PHC3: variants seen among roughly 807,000 people sequenced by gnomAD.
PHC3 encodes the protein polyhomeotic-like protein 3.
In PHC3, 13 loss-of-function variants were observed where a neutral mutation model predicts 107.4. The ratio of observed to expected loss-of-function variants is 0.12; its 90% CI spans 0.08 to 0.19. PHC3 has a LOEUF of 0.19. PHC3 is among the 10% of genes least tolerant of loss of function. PHC3 has a pLI of 1.00. For missense variants in PHC3, 992 were observed against 1,210.9 expected, an observed-to-expected ratio of 0.82 and a Z score of 2.68; for synonymous variants, 456 against 427.4, an observed-to-expected ratio of 1.07 and a Z score of -0.83.
chr3:170,114,719 T>A (rs1718561420), intron 10 of PHC3, among the ~76,000 whole-genome samples: 1 of 152,242 alleles, frequency 6.6e-6, no homozygotes, highest in Non-Finnish European at 1.5e-5. Context: ...ATTCATTGAT[T>A]CACTGGTGAG....
At chr3:170,173,847 C>A (rs1317468558) in intron 2 of PHC3, among the ~76,000 whole-genome samples, 1 of 152,114 alleles carries the variant, frequency 6.6e-6, no homozygotes, top group Admixed American at 6.6e-5. Context: ...TCATACTCTT[C>A]TATAGATGTC....
intron 2 of PHC3, among the ~76,000 whole-genome samples, 166 bp downstream of exon 2, chr3:170,178,607 C>T (rs902539543): frequency 5.3e-5 from 8 of 152,186 alleles, no homozygotes; most frequent in African/African-American, 1.9e-4. Flanking sequence ...ATTACACAGT[C>T]TTGGTATTCT....
chr3:170,166,809 C>T (rs1167457047), intron 4 of PHC3, among the ~76,000 whole-genome samples: 1 of 152,056 alleles, frequency 6.6e-6, no homozygotes, highest in Non-Finnish European at 1.5e-5. Context: ...GGACTGCAGG[C>T]ACACACCACC....
chr3:170,156,884 C>T (rs540298464), intron 4 of PHC3, among the ~76,000 whole-genome samples: 58 of 152,244 alleles, frequency 3.8e-4, no homozygotes, highest in African/African-American at 1.3e-3. Context: ...TGTGAGCCAC[C>T]GTACCCTGCT....
intron 4 of PHC3, among the ~76,000 whole-genome samples, chr3:170,168,520 C>T (rs1262987410): frequency 2.0e-5 from 3 of 151,972 alleles, no homozygotes; most frequent in Non-Finnish European, 4.4e-5. Context: ...AATCCCAGCA[C>T]TTTGGGAGGC....
intron 8 of PHC3, 165 bp downstream of exon 8, chr3:170,128,519 T>C (rs1423107043): frequency 2.7e-6 from 3 of 1,115,020 alleles, no homozygotes; most frequent in Non-Finnish European, 3.7e-6. Flanking sequence ...CAATGGCATT[T>C]TTTTTTTTTT....
At chr3:170,144,160 A>C (rs1244492301) in intron 6 of PHC3, among the ~76,000 whole-genome samples, 1 of 142,764 alleles carries the variant, frequency 7.0e-6, no homozygotes, top group Non-Finnish European at 1.5e-5. Context: ...TTTCTACTTA[A>C]AAAAAAAAAA....
chr3:170,177,705 CTG>C (rs1364779817), intron 2 of PHC3, among the ~76,000 whole-genome samples: 1 of 129,680 alleles, frequency 7.7e-6, no homozygotes, highest in Non-Finnish European at 1.6e-5. Context: ...GGGTCTCACT[CTG>C]TCACCTAGAC....
At position 170,094,407 on chromosome 3, in the gene PHC3, G is replaced by C. The variant is rs1490061187; in HGVS notation, c.*2823C>G. 1 of 152,176 alleles carries C rather than the reference G, an allele frequency of 6.6e-6. No individual in the cohort carries two copies. The highest frequency in any genetic ancestry group is 1.5e-5 in the Non-Finnish European group (1 of 68,026). 9.4% of individuals were successfully genotyped at this position (152,176 alleles called of 1,614,324 possible). A position where few individuals can be genotyped will look rare whatever the true frequency, so the allele number is the denominator to read the frequency against. On this transcript the variant is annotated 3_prime_UTR_variant, in exon 15 of 15. Transcript: ENST00000495893. Reference sequence around the variant, plus strand: ...CAACACTGCAAGGAAGTCAGAAAATGCAAACTTAGGTAGCAAAAGTAGGAA... The same window carrying C: ...CAACACTGCAAGGAAGTCAGAAAATCCAAACTTAGGTAGCAAAAGTAGGAA...
chr3:170,168,784 C>T (rs1288211879), intron 4 of PHC3, among the ~76,000 whole-genome samples: 2 of 150,972 alleles, frequency 1.3e-5, no homozygotes, highest in East Asian at 3.9e-4. Context: ...AATCACCACT[C>T]CACTACTGAC....
chr3:170,130,572 A>T (rs984948682), intron 7 of PHC3, among the ~76,000 whole-genome samples: 4 of 152,212 alleles, frequency 2.6e-5, no homozygotes, highest in Non-Finnish European at 4.4e-5. Context: ...AGAATGAGAC[A>T]ATCAGAAGCC....
chr3:170,100,259 C>T (rs1234316968), intron 14 of PHC3, among the ~76,000 whole-genome samples: 1 of 152,102 alleles, frequency 6.6e-6, no homozygotes, highest in South Asian at 2.1e-4. Context: ...ATGAGAAAAG[C>T]TTGGGAGTAG....
intron 11 of PHC3, among the ~76,000 whole-genome samples, chr3:170,109,566 T>G (rs1401802573): frequency 6.6e-6 from 1 of 152,180 alleles, no homozygotes; most frequent in Admixed American, 6.5e-5. Context: ...TCTACTGAAG[T>G]GGCCAAACCT....
chr3:170,123,326 C>T (rs1720707424), intron 8 of PHC3, among the ~76,000 whole-genome samples: 1 of 149,124 alleles, frequency 6.7e-6, no homozygotes, highest in Non-Finnish European at 1.5e-5. Flanking sequence ...ATATAATATG[C>T]AAACAGAAAA....
Position 170,097,527 on chromosome 3 carries a change from T to C in PHC3, c.2834-143A>G, listed in dbSNP as rs1560014387. On this transcript the variant is annotated intron_variant, in intron 14 of 14. Coordinates refer to ENST00000495893, the MANE Select transcript of PHC3 (RefSeq NM_024947.4). This position sits in a 1 kb window ranked among gnomAD's most constrained non-coding sequence, Gnocchi z 4.1. Reference sequence around the variant, plus strand: ...CAAATGAAATTTATTTATGGTAGTCTTGAGTTCACTCTTGAAGAATAGAGT... The same window carrying C: ...CAAATGAAATTTATTTATGGTAGTCCTGAGTTCACTCTTGAAGAATAGAGT... 2 of 762,008 alleles carry C rather than the reference T, an allele frequency of 2.6e-6. No individual in the cohort carries two copies. Among genetic ancestry groups the C allele is most frequent in the East Asian group, 2.8e-5 (1 of 36,118 alleles). The allele number at this position is 762,008 out of a possible 1,614,324, so 47.2% of individuals were successfully genotyped here.
Position 170,181,718 on chromosome 3 carries a change from TCTCTC to T in PHC3, c.-8_-4del. 2.5e-6 allele frequency: 4 copies of T among 1,612,906 alleles called. No homozygotes were observed. The highest frequency in any genetic ancestry group is 3.4e-6 in the Non-Finnish European group (4 of 1,179,782). On this transcript the variant is annotated 5_prime_UTR_variant, in exon 1 of 15. Transcript: ENST00000495893. ...GTCACTCACTCCGCTTCCGCCATCT[TCTCTC>T]CTCCATCACTAACATGGGCTGCGCA... is the stretch of plus-strand genomic sequence containing the variant.
chr3:170,157,270 A>C (rs2108644686), intron 4 of PHC3, among the ~76,000 whole-genome samples: 1 of 152,356 alleles, frequency 6.6e-6, no homozygotes, highest in East Asian at 1.9e-4. Context: ...ACAATGTGTA[A>C]AAAAGAGTGC....
chr3:170,154,345 T>C (rs1726536869), intron 4 of PHC3, among the ~76,000 whole-genome samples: 1 of 152,210 alleles, frequency 6.6e-6, no homozygotes, highest in South Asian at 2.1e-4. Flanking sequence ...TTCTGACTCA[T>C]GTATTTTGGC....
rs1714018645 is a variant in PHC3, at chr3:170,090,804, A to G, written c.*6426T>C. The G allele has an allele frequency of 6.6e-6, 1 of 152,224 alleles. No homozygotes were observed. The highest frequency in any genetic ancestry group is 1.5e-5 in the Non-Finnish European group (1 of 68,056). 9.4% of individuals were successfully genotyped at this position (152,224 alleles called of 1,614,324 possible). A position where few individuals can be genotyped will look rare whatever the true frequency, so the allele number is the denominator to read the frequency against. On this transcript the variant is annotated 3_prime_UTR_variant, in exon 15 of 15. Coordinates refer to ENST00000495893, the MANE Select transcript of PHC3 (RefSeq NM_024947.4). Reference sequence around the variant, plus strand: ...TTGCCCAACATGTCACACACAGCTAACCCACTGAAATAAAACCCCAGTCTC... The same window carrying G: ...TTGCCCAACATGTCACACACAGCTAGCCCACTGAAATAAAACCCCAGTCTC...
Sources: gnomAD v4.1 joint callset for allele counts (sites outside exome capture counted in the v4.1 genomes callset) on GRCh38, gnomAD v4.1.1 for gene constraint, Gnocchi (gnomAD v3.1) non-coding constraint, MANE v1.5 for transcripts, NCBI Gene and HGNC (gene_info 2026-07-23, HGNC 2026-07-21) for gene names.